ADM5: variants seen among roughly 807,000 people sequenced by gnomAD.
The protein encoded by ADM5 is adrenomedullin 5 (putative), also known as putative adrenomedullin-5-like protein.
A neutral mutation model predicts 2.9 loss-of-function variants in ADM5; 1 was observed. That is an observed-to-expected ratio of 0.35 (90% CI 0.12 to 1.65). ADM5 has a LOEUF of 1.65. Ranked by LOEUF, ADM5 falls within the 40% of genes most tolerant of loss-of-function variation. ADM5 has a pLI of 0.36. For synonymous variants in ADM5, 90 were observed against 91.1 expected (o/e 0.99, Z 0.07); for missense variants, 192 against 205.2 (o/e 0.94, Z 0.39).
Position 49,690,538 on chromosome 19 carries a change from G to A in ADM5, c.*45G>A. On this transcript the variant is annotated 3_prime_UTR_variant, in exon 2 of 2. Transcript: ENST00000420022. The surrounding 1 kb of genome is among the most constrained non-coding windows in gnomAD (Gnocchi z 4.4). ...GGGACCAGGCTGGGCGAAGAACACT[G>A]ACGCCCAGAGCCGAATAAACAAGAG... 1 of 1,407,928 alleles carries A rather than the reference G, an allele frequency of 7.1e-7. No individual in the cohort carries two copies. The highest frequency in any genetic ancestry group is 1.5e-5 in the African/African-American group (1 of 68,910). 87.2% of individuals were successfully genotyped at this position (1,407,928 alleles called of 1,614,324 possible).
chr19:49,690,173 C>A lies in ADM5; in HGVS notation c.142C>A (p.Arg48Ser). The change falls in exon 2 of 2, where the codon CGC becomes AGC. Residue 48 changes from arginine to serine, a missense_variant. Arg to Ser is a moderately radical substitution (Grantham distance 110). Coordinates refer to ENST00000420022, the MANE Select transcript of ADM5 (RefSeq NM_001101340.2). This position sits in a 1 kb window ranked among gnomAD's most constrained non-coding sequence, Gnocchi z 4.4. ...VCYLGVCRTH[R>S]LAEIIYWIRC... ...CTACCTGGGCGTATGCCGGACCCAC[C>A]GCCTGGCGGAGATCATATACTGGAT... 6.4e-7 allele frequency: 1 copy of A among 1,568,042 alleles called. No homozygotes were observed. Among genetic ancestry groups the A allele is most frequent in the Middle Eastern group, 1.7e-4 (1 of 6,014 alleles).
At position 49,690,190 on chromosome 19, in the gene ADM5, A is replaced by T. The variant is rs762608036; in HGVS notation, c.159A>T (p.Ile53=). The T allele has an allele frequency of 1.3e-6, 2 of 1,564,486 alleles. No homozygotes were observed. The highest frequency in any genetic ancestry group is 1.7e-6 in the Non-Finnish European group (2 of 1,155,402). Residue 53 remains isoleucine, a synonymous_variant, in exon 2 of 2, where the codon ATA becomes ATT. Transcript: ENST00000420022. This position sits in a 1 kb window ranked among gnomAD's most constrained non-coding sequence, Gnocchi z 4.4. ...VCRTHRLAEI[I]YWIRCLHQGA... is the part of the protein sequence containing the mutation. The stretch of plus-strand genomic sequence containing the variant: ...GGACCCACCGCCTGGCGGAGATCAT[A>T]TACTGGATTCGCTGTCTCCACCAAG...
Position 49,690,038 on chromosome 19 carries a change from C to T in ADM5, c.75-68C>T. 6 of 1,577,834 alleles carry T rather than the reference C, an allele frequency of 3.8e-6. No homozygotes were observed. Among genetic ancestry groups the T allele is most frequent in the Non-Finnish European group, 5.2e-6 (6 of 1,160,184 alleles). ...CCGCTGGTCTTGGAGTGCTTGGGTGCCCACCTCCATCACGCTCCATCTCTC... is the reference window on the plus strand; with the variant it reads ...CCGCTGGTCTTGGAGTGCTTGGGTGTCCACCTCCATCACGCTCCATCTCTC... On this transcript the variant is annotated intron_variant, in intron 1 of 1. Transcript: ENST00000420022. This position sits in a 1 kb window ranked among gnomAD's most constrained non-coding sequence, Gnocchi z 4.4.
Position 49,690,357 on chromosome 19 carries a change from T to C in ADM5, c.326T>C (p.Val109Ala), listed in dbSNP as rs1034921705. 1.9e-6 allele frequency: 3 copies of C among 1,551,560 alleles called. No individual in the cohort carries two copies. The highest frequency in any genetic ancestry group is 2.6e-6 in the Non-Finnish European group (3 of 1,146,868). ...CTAGCGCAGTGCCCAGCTCGCTGGG[T>C]GACCTCGGGCACGGCTCGTCCCCTC... The part of the protein sequence containing the change: ...RGLAQCPARW[V>A]TSGTARPLLG... The change falls in exon 2 of 2, where the codon GTG becomes GCG. Residue 109 changes from valine to alanine, a missense_variant. Coordinates refer to ENST00000420022, the MANE Select transcript of ADM5 (RefSeq NM_001101340.2). This position sits in a 1 kb window ranked among gnomAD's most constrained non-coding sequence, Gnocchi z 4.4.
In ADM5 at chr19:49,690,508, C is replaced by A; in HGVS notation, c.*15C>A. The A allele has an allele frequency of 6.7e-7, 1 of 1,482,328 alleles. No homozygotes were observed. The highest frequency in any genetic ancestry group is 1.3e-5 in the South Asian group (1 of 74,258). 91.8% of individuals were successfully genotyped at this position (1,482,328 alleles called of 1,614,324 possible). On this transcript the variant is annotated 3_prime_UTR_variant, in exon 2 of 2. Coordinates refer to ENST00000420022, the MANE Select transcript of ADM5 (RefSeq NM_001101340.2). This position sits in a 1 kb window ranked among gnomAD's most constrained non-coding sequence, Gnocchi z 4.4. ...GCTGCGACTAGGTTGGACCTAGAAGCACACGGGACCAGGCTGGGCGAAGAA... is the reference window on the plus strand; with the variant it reads ...GCTGCGACTAGGTTGGACCTAGAAGAACACGGGACCAGGCTGGGCGAAGAA...
rs1284092941 is a variant in ADM5 at position 49,690,108 on chromosome 19, G to A, written c.77G>A (p.Arg26Gln). Residue 26 changes from arginine to glutamine, a missense_variant and splice_region_variant, in exon 2 of 2, where the codon CGA (arginine) becomes CAA (glutamine). Arg to Gln is a conservative substitution (Grantham distance 43). Coordinates refer to ENST00000420022, the MANE Select transcript of ADM5 (RefSeq NM_001101340.2). This position sits in a 1 kb window ranked among gnomAD's most constrained non-coding sequence, Gnocchi z 4.4. ...TTTCTCCCACGCTCCCTCTCCAGGCGAGGCCAGCACCAGGTCCCCCAGCAC... is the reference window on the plus strand; with the variant it reads ...TTTCTCCCACGCTCCCTCTCCAGGCAAGGCCAGCACCAGGTCCCCCAGCAC... ...AQGDLDTAARRGQHQVPQHRG... is the reference protein window; with the variant it reads ...AQGDLDTAARQGQHQVPQHRG... 1 of 1,555,796 alleles carries A rather than the reference G, an allele frequency of 6.4e-7. No individual in the cohort carries two copies. Among genetic ancestry groups the A allele is most frequent in the Non-Finnish European group, 8.7e-7 (1 of 1,149,300 alleles).
chr19:49,690,349 T>C lies in ADM5; in HGVS notation c.318T>C (p.Ala106=). The C allele has an allele frequency of 6.4e-7, 1 of 1,551,606 alleles. No individual in the cohort carries two copies. Among genetic ancestry groups the C allele is most frequent in the Non-Finnish European group, 8.7e-7 (1 of 1,146,902 alleles). ...CGAGGGGGCTAGCGCAGTGCCCAGC[T>C]CGCTGGGTGACCTCGGGCACGGCTC... is the stretch of plus-strand genomic sequence containing the variant. The part of the protein sequence containing the change: ...PAARGLAQCP[A]RWVTSGTARP... The change falls in exon 2 of 2, where the codon GCT becomes GCC. Residue 106 remains alanine (A), a synonymous_variant. Transcript: ENST00000420022. This position sits in a 1 kb window ranked among gnomAD's most constrained non-coding sequence, Gnocchi z 4.4.
rs1381927566 is a variant in ADM5 at position 49,690,300 on chromosome 19, G to C, written c.269G>C (p.Arg90Pro). Residue 90 changes from arginine to proline, a missense_variant, in exon 2 of 2, where the codon CGG (arginine) becomes CCG (proline). By Grantham distance (103) the Arg-to-Pro change is moderately radical (BLOSUM62 -2). Transcript: ENST00000420022. The surrounding 1 kb of genome is among the most constrained non-coding windows in gnomAD (Gnocchi z 4.4). ...PPVARGGSPA[R>P]FPGFRPAARG... Reference sequence around the variant, plus strand: ...GTGGCGCGAGGCGGAAGCCCGGCTCGGTTCCCAGGATTCCGGCCTGCAGCG... The same window carrying C: ...GTGGCGCGAGGCGGAAGCCCGGCTCCGTTCCCAGGATTCCGGCCTGCAGCG... 1.9e-6 allele frequency: 3 copies of C among 1,551,380 alleles called. No individual in the cohort carries two copies. The highest frequency in any genetic ancestry group is 2.4e-5 in the South Asian group (2 of 84,026).
chr19:49,689,875 CCTT>C lies in ADM5; in HGVS notation c.41_43del (p.Phe14del). The C allele has an allele frequency of 6.2e-7, 1 of 1,613,998 alleles. No individual in the cohort carries two copies. Among genetic ancestry groups the C allele is most frequent in the African/African-American group, 1.3e-5 (1 of 75,060 alleles). On this transcript the variant is annotated inframe_deletion, in exon 1 of 2. Transcript: ENST00000420022. ...ATCCTCATCCTGCTGTTGCTCCTCG[CCTT>C]CTCCGCCCAAGGGGACCTGGACACT...
Position 49,690,022 on chromosome 19 carries a change from T to G in ADM5, c.75-84T>G. On this transcript the variant is annotated intron_variant, in intron 1 of 1. Transcript: ENST00000420022. This position sits in a 1 kb window ranked among gnomAD's most constrained non-coding sequence, Gnocchi z 4.4. ...TGATCTGTAAGCCTCCCCGCTGGTC[T>G]TGGAGTGCTTGGGTGCCCACCTCCA... The G allele has an allele frequency of 1.3e-6, 2 of 1,592,040 alleles. No individual in the cohort carries two copies. The highest frequency in any genetic ancestry group is 2.3e-5 in the East Asian group (1 of 44,208).
In ADM5 at chr19:49,690,538, G is replaced by T. The variant is rs1052595048; in HGVS notation, c.*45G>T. ...GGGACCAGGCTGGGCGAAGAACACT[G>T]ACGCCCAGAGCCGAATAAACAAGAG... is the stretch of plus-strand genomic sequence containing the variant. On this transcript the variant is annotated 3_prime_UTR_variant, in exon 2 of 2. Transcript: ENST00000420022. This position sits in a 1 kb window ranked among gnomAD's most constrained non-coding sequence, Gnocchi z 4.4. 8 of 1,407,810 alleles carry T rather than the reference G, an allele frequency of 5.7e-6. No homozygotes were observed. The African/African-American group carries it at 5.8e-5, about 10-fold the overall frequency. The allele number at this position is 1,407,810 out of a possible 1,614,324, so 87.2% of individuals were successfully genotyped here.
At position 49,690,299 on chromosome 19, in the gene ADM5, CG is replaced by C; in HGVS notation, c.270del (p.Phe91SerfsTer11). On this transcript the variant is annotated frameshift_variant, in exon 2 of 2. Coordinates refer to ENST00000420022, the MANE Select transcript of ADM5 (RefSeq NM_001101340.2). LOFTEE classifies it low-confidence loss of function (END_TRUNC). The surrounding 1 kb of genome is among the most constrained non-coding windows in gnomAD (Gnocchi z 4.4). ...PPVARGGSPA[R>X]FPGFRPAARG... is the part of the protein sequence containing the mutation. ...GGTGGCGCGAGGCGGAAGCCCGGCTCGGTTCCCAGGATTCCGGCCTGCAGCG... is the reference window on the plus strand; with the variant it reads ...GGTGGCGCGAGGCGGAAGCCCGGCTCGTTCCCAGGATTCCGGCCTGCAGCG... The C allele has an allele frequency of 6.4e-7, 1 of 1,551,406 alleles. No individual in the cohort carries two copies. Among genetic ancestry groups the C allele is most frequent in the Non-Finnish European group, 8.7e-7 (1 of 1,146,816 alleles).
chr19:49,689,904 G>A lies in ADM5; in HGVS notation c.67G>A (p.Ala23Thr). The A allele has an allele frequency of 6.2e-7, 1 of 1,613,952 alleles. No individual in the cohort carries two copies. The highest frequency in any genetic ancestry group is 8.5e-7 in the Non-Finnish European group (1 of 1,179,874). Residue 23 changes from alanine (A) to threonine (T), a missense_variant, in exon 1 of 2, where the codon GCA (alanine) becomes ACA (threonine). By Grantham distance (58) the Ala-to-Thr change is moderately conservative. Coordinates refer to ENST00000420022, the MANE Select transcript of ADM5 (RefSeq NM_001101340.2). ...AFSAQGDLDT[A>T]ARRGQHQVPQ... The stretch of plus-strand genomic sequence containing the variant: ...CTCCGCCCAAGGGGACCTGGACACT[G>A]CAGCCAGGTGAGAAACCCGGGTGGC...
At chr19:49,689,980 G>A in intron 1 of ADM5, 69 bp downstream of exon 1, 1 of 1,611,092 alleles carries the variant, frequency 6.2e-7, no homozygotes, top group Non-Finnish European at 8.5e-7. Context: ...CCCTCTCCCG[G>A]CCGCGGAACG....
In ADM5 at chr19:49,690,263, T is replaced by C. The variant is rs2082301947; in HGVS notation, c.232T>C (p.Trp78Arg). 1.3e-6 allele frequency: 2 copies of C among 1,551,662 alleles called. No individual in the cohort carries two copies. Among genetic ancestry groups the C allele is most frequent in the Middle Eastern group, 1.7e-4 (1 of 5,990 alleles). The stretch of plus-strand genomic sequence containing the variant: ...ACGAGCCCCAGGACCCCTACAGCTA[T>C]GGGCGCCGCCGGTGGCGCGAGGCGG... ...QPRAPGPLQL[W>R]APPVARGGSP... Residue 78 changes from tryptophan to arginine, a missense_variant, in exon 2 of 2, where the codon TGG becomes CGG. Transcript: ENST00000420022. The surrounding 1 kb of genome is among the most constrained non-coding windows in gnomAD (Gnocchi z 4.4).
Position 49,690,187 on chromosome 19 carries a change from C to T in ADM5, c.156C>T (p.Ile52=), listed in dbSNP as rs1484851952. The change falls in exon 2 of 2, where the codon ATC becomes ATT. Residue 52 remains isoleucine (I), a synonymous_variant. Transcript: ENST00000420022. This position sits in a 1 kb window ranked among gnomAD's most constrained non-coding sequence, Gnocchi z 4.4. ...GVCRTHRLAE[I]IYWIRCLHQG... Reference sequence around the variant, plus strand: ...GCCGGACCCACCGCCTGGCGGAGATCATATACTGGATTCGCTGTCTCCACC... The same window carrying T: ...GCCGGACCCACCGCCTGGCGGAGATTATATACTGGATTCGCTGTCTCCACC... 1.9e-6 allele frequency: 3 copies of T among 1,564,976 alleles called. No homozygotes were observed. Among genetic ancestry groups the T allele is most frequent in the African/African-American group, 2.7e-5 (2 of 73,538 alleles).
chr19:49,690,192 A>G lies in ADM5; in HGVS notation c.161A>G (p.Tyr54Cys). The G allele has an allele frequency of 1.3e-6, 2 of 1,563,924 alleles. No individual in the cohort carries two copies. The highest frequency in any genetic ancestry group is 1.2e-5 in the South Asian group (1 of 84,764). ...ACCCACCGCCTGGCGGAGATCATAT[A>G]CTGGATTCGCTGTCTCCACCAAGGA... is the stretch of plus-strand genomic sequence containing the variant. Reference protein sequence around the residue: ...CRTHRLAEIIYWIRCLHQGAL... With the variant: ...CRTHRLAEIICWIRCLHQGAL... The change falls in exon 2 of 2, where the codon TAC becomes TGC. Residue 54 changes from tyrosine (Y) to cysteine (C), a missense_variant. Transcript: ENST00000420022. The surrounding 1 kb of genome is among the most constrained non-coding windows in gnomAD (Gnocchi z 4.4).
intron 1 of ADM5, 46 bp downstream of exon 1, chr19:49,689,957 T>C (rs1182922926): frequency 6.2e-7 from 1 of 1,613,294 alleles, no homozygotes; most frequent in South Asian, 1.1e-5. Context: ...AGGGAGACCG[T>C]AAAGGGCGAG....
rs1429636389 is a variant in ADM5, at chr19:49,690,138, G to C, written c.107G>C (p.Gly36Ala). Residue 36 changes from glycine (G) to alanine (A), a missense_variant, in exon 2 of 2, where the codon GGG becomes GCG. By Grantham distance (60) the Gly-to-Ala change is moderately conservative (BLOSUM62 0). Transcript: ENST00000420022. This position sits in a 1 kb window ranked among gnomAD's most constrained non-coding sequence, Gnocchi z 4.4. Reference protein sequence around the residue: ...RGQHQVPQHRGHVCYLGVCRT... With the variant: ...RGQHQVPQHRAHVCYLGVCRT... ...CAGCACCAGGTCCCCCAGCACCGCG[G>C]GCACGTCTGCTACCTGGGCGTATGC... 2.6e-6 allele frequency: 4 copies of C among 1,566,596 alleles called. No homozygotes were observed. Among genetic ancestry groups the C allele is most frequent in the Non-Finnish European group, 1.7e-6 (2 of 1,156,204 alleles).
Sources: gnomAD v4.1 joint callset for allele counts on GRCh38, gnomAD v4.1.1 for gene constraint, Gnocchi (gnomAD v3.1) non-coding constraint, MANE v1.5 for transcripts, NCBI Gene and HGNC (gene_info 2026-07-23, HGNC 2026-07-21) for gene names.